The following FGF7 variants were observed in gnomAD, a reference collection of about 807,000 sequenced individuals.
FGF7 encodes fibroblast growth factor 7.
FGF7 carries 6 observed loss-of-function variants against 20.5 expected under a neutral mutation model. That is an observed-to-expected ratio of 0.29 (90% confidence interval 0.16 to 0.58). The LOEUF is 0.58. Among genes scored for constraint, FGF7 ranks in the 20% least tolerant of loss-of-function variants. The pLI is 0.90. For missense variants in FGF7, 144 were observed against 228.8 expected, an observed-to-expected ratio of 0.63 and a Z score of 2.39; for synonymous variants, 64 against 74.7, an observed-to-expected ratio of 0.86 and a Z score of 0.74.
intron 2 of FGF7, among the ~76,000 whole-genome samples, chr15:49,427,593 T>C (rs957984917): frequency 2.0e-5 from 3 of 152,004 alleles, no homozygotes; most frequent in African/African-American, 7.2e-5. Context: ...AAAATATAAT[T>C]ATTCTTCTGG....
At position 49,437,934 on chromosome 15, in the gene FGF7, A is replaced by G. The variant is rs540868891; in HGVS notation, c.286+13351A>G. On this transcript the variant is annotated intron_variant, in intron 2 of 3. Coordinates refer to ENST00000267843, the MANE Select transcript of FGF7 (RefSeq NM_002009.4). ...AGAAAGGGCAATACTCTCAAAAAAC[A>G]TATTTTAACCACATCTCAAAGAGCA... Among the ~76,000 whole-genome samples, 138 of 151,808 alleles carry G rather than the reference A, an allele frequency of 9.1e-4. 5 individuals are homozygous for G. In the South Asian group the frequency reaches 0.027, roughly 30 times the overall value.
At chr15:49,465,304 C>CCT (rs1555496510) in intron 2 of FGF7, among the ~76,000 whole-genome samples, 1 of 140,604 alleles carries the variant, frequency 7.1e-6, no homozygotes, top group Non-Finnish European at 1.5e-5. Context: ...TTTTCTTTTT[C>CCT]TTTTTTTTTT....
At chr15:49,479,617 T>G (rs2055725597) in intron 2 of FGF7, among the ~76,000 whole-genome samples, 1 of 138,446 alleles carries the variant, frequency 7.2e-6, no homozygotes, top group African/African-American at 2.7e-5. Context: ...TTTTTTTTTT[T>G]TTTTTTTTTT....
chr15:49,444,393 A>G (rs892564557), intron 2 of FGF7, among the ~76,000 whole-genome samples: 8 of 151,768 alleles, frequency 5.3e-5, no homozygotes, highest in African/African-American at 1.9e-4. Context: ...ATTATGTTTT[A>G]TAGTATGAAA....
chr15:49,424,349 T>C lies in FGF7; in HGVS notation c.52T>C (p.Cys18Arg). The C allele has an allele frequency of 1.2e-6, 2 of 1,613,706 alleles. No individual in the cohort carries two copies. Among genetic ancestry groups the C allele is most frequent in the African/African-American group, 1.3e-5 (1 of 74,994 alleles). The change falls in exon 2 of 4, where the codon TGC becomes CGC. Residue 18 changes from cysteine (C) to arginine (R), a missense_variant. Cys to Arg is a radical substitution (Grantham distance 180, BLOSUM62 -3). Around this residue, in one of 2 missense-constraint regions of FGF7, gnomAD observed 88 missense variants for 103.4 expected, o/e 0.85. Coordinates refer to ENST00000267843, the MANE Select transcript of FGF7 (RefSeq NM_002009.4). ...WILPTLLYRSCFHIICLVGTI... is the reference protein window; with the variant it reads ...WILPTLLYRSRFHIICLVGTI... Reference sequence around the variant, plus strand: ...CCTGCCAACTTTGCTCTACAGATCATGCTTTCACATTATCTGTCTAGTGGG... The same window carrying C: ...CCTGCCAACTTTGCTCTACAGATCACGCTTTCACATTATCTGTCTAGTGGG...
At chr15:49,462,891 C>G (rs1432896788) in intron 2 of FGF7, among the ~76,000 whole-genome samples, 1 of 152,158 alleles carries the variant, frequency 6.6e-6, no homozygotes, top group Non-Finnish European at 1.5e-5. Context: ...ATTTTATTCT[C>G]TAGGTCCTAA....
chr15:49,475,065 A>G (rs978131630), intron 2 of FGF7, among the ~76,000 whole-genome samples: 94 of 152,238 alleles, frequency 6.2e-4, no homozygotes, highest in Non-Finnish European at 1.2e-3. Context: ...ATACAATATA[A>G]TAAATTATCA....
chr15:49,451,669 T>C (rs996960026), intron 2 of FGF7, among the ~76,000 whole-genome samples: 4 of 152,156 alleles, frequency 2.6e-5, no homozygotes, highest in Non-Finnish European at 4.4e-5. Context: ...CAAGCCAAAC[T>C]GAACTCTAAT....
At chr15:49,475,004 G>A (rs958628581) in intron 2 of FGF7, among the ~76,000 whole-genome samples, 9 of 141,390 alleles carry the variant, frequency 6.4e-5, no homozygotes, top group Non-Finnish European at 1.2e-4. Context: ...ATAAAAGATA[G>A]AATAAACTAT....
chr15:49,446,600 T>C (rs1462282267), intron 2 of FGF7, among the ~76,000 whole-genome samples: 2 of 151,368 alleles, frequency 1.3e-5, no homozygotes, highest in African/African-American at 4.8e-5. Flanking sequence ...AAAGAGCTTT[T>C]TTAAAGAAGA....
At chr15:49,475,085 T>C (rs924063940) in intron 2 of FGF7, among the ~76,000 whole-genome samples, 1 of 152,208 alleles carries the variant, frequency 6.6e-6, no homozygotes, top group Non-Finnish European at 1.5e-5. Flanking sequence ...ACAAAAGATC[T>C]ATAGAATTGG....
chr15:49,474,546 A>G (rs1366658160), intron 2 of FGF7, among the ~76,000 whole-genome samples: 12 of 152,216 alleles, frequency 7.9e-5, no homozygotes, highest in Admixed American at 7.2e-4. Flanking sequence ...GAGAGGCATC[A>G]GTAAAAAAAG....
rs546257942 is a variant in FGF7 at position 49,452,662 on chromosome 15, T to C, written c.286+28079T>C. 9.0e-4 allele frequency among the ~76,000 whole-genome samples: 137 copies of C among 152,314 alleles called. 5 individuals are homozygous for C. The South Asian group carries it at 0.027, about 30-fold the overall frequency. On this transcript the variant is annotated intron_variant, in intron 2 of 3. Coordinates refer to ENST00000267843, the MANE Select transcript of FGF7 (RefSeq NM_002009.4). ...CTTAGTTTGGGTTCAAATCTGAGATTTGAGAGAAATCCTATTATTTCTGGG... is the reference window on the plus strand; with the variant it reads ...CTTAGTTTGGGTTCAAATCTGAGATCTGAGAGAAATCCTATTATTTCTGGG...
rs373173503 is a variant in FGF7, at chr15:49,485,696, A to T, written c.*1192A>T. ...CACAGAACAATACAAATATGTAAAA[A>T]ATCTTTCACCACATATTCTTGCCAA... On this transcript the variant is annotated 3_prime_UTR_variant, in exon 4 of 4. Coordinates refer to ENST00000267843, the MANE Select transcript of FGF7 (RefSeq NM_002009.4). 8 of 152,644 alleles carry T rather than the reference A, an allele frequency of 5.2e-5. No homozygotes were observed. In the East Asian group the frequency reaches 1.2e-3, roughly 22 times the overall value. The allele number at this position is 152,644 out of a possible 1,614,324, so 9.5% of individuals were successfully genotyped here. A position where few individuals can be genotyped will look rare whatever the true frequency, so the allele number is the denominator to read the frequency against.
Position 49,424,600 on chromosome 15 carries a change from A to T in FGF7, c.286+17A>T. On this transcript the variant is annotated intron_variant, in intron 2 of 3. Transcript: ENST00000267843. ...ATAATTACAGTAAGTAATTTTAAGT[A>T]CTGCTCATGAACCTTAGCAATCTGT... 1 of 1,542,574 alleles carries T rather than the reference A, an allele frequency of 6.5e-7. No homozygotes were observed. The highest frequency in any genetic ancestry group is 8.8e-7 in the Non-Finnish European group (1 of 1,141,500).
rs147320708 is a variant in FGF7 at position 49,453,514 on chromosome 15, T to G, written c.286+28931T>G. On this transcript the variant is annotated intron_variant, in intron 2 of 3. Coordinates refer to ENST00000267843, the MANE Select transcript of FGF7 (RefSeq NM_002009.4). Reference sequence around the variant, plus strand: ...CACACCTTAATTCCAACTATTCACATTGCAAGGGTTCAGTAGCCACATGTG... The same window carrying G: ...CACACCTTAATTCCAACTATTCACAGTGCAAGGGTTCAGTAGCCACATGTG... Among the ~76,000 whole-genome samples the G allele has an allele frequency of 1.1e-4, 16 of 152,290 alleles. No individual in the cohort carries two copies. In the East Asian group the frequency reaches 3.1e-3, roughly 29 times the overall value.
At chr15:49,480,929 C>T (rs1284048076) in intron 2 of FGF7, among the ~76,000 whole-genome samples, 1 of 152,206 alleles carries the variant, frequency 6.6e-6, no homozygotes, top group Non-Finnish European at 1.5e-5. Context: ...TTAATAATAA[C>T]TCTATCAGTC....
chr15:49,471,740 A>T (rs1448931836), intron 2 of FGF7, among the ~76,000 whole-genome samples: 1 of 152,090 alleles, frequency 6.6e-6, no homozygotes, highest in Non-Finnish European at 1.5e-5. Context: ...GCTAGCTGAC[A>T]TTAGGTAATT....
intron 2 of FGF7, among the ~76,000 whole-genome samples, chr15:49,476,212 G>GTCTTTTT: frequency 1.2e-5 from 1 of 81,306 alleles, no homozygotes; most frequent in Non-Finnish European, 3.3e-5. Flanking sequence ...TTATTTTGCT[G>GTCTTTTT]TTTTGTTTTT....
Sources: allele counts gnomAD v4.1 joint callset (sites outside exome capture counted in the v4.1 genomes callset), GRCh38; gene constraint gnomAD v4.1.1; regional missense constraint gnomAD v4.1.1; transcripts MANE v1.5; gene names NCBI Gene and HGNC (gene_info 2026-07-23, HGNC 2026-07-21).